ARHGAP21: variants seen among roughly 807,000 people sequenced by gnomAD.
ARHGAP21 encodes the protein Rho GTPase activating protein 21.
In ARHGAP21, 38 loss-of-function variants were observed where a neutral mutation model predicts 164.6. The ratio of observed to expected loss-of-function variants is 0.23; its 90% CI spans 0.18 to 0.30. The LOEUF is 0.30. Among genes scored for constraint, ARHGAP21 ranks in the 10% least tolerant of loss-of-function variants. The probability of loss-of-function intolerance (pLI) is 1.00; values close to 1 mark genes in which losing one functional copy is unlikely to be tolerated. For missense variants in ARHGAP21, 1,822 were observed against 2,370.7 expected (o/e 0.77, Z 4.81); for synonymous variants, 766 against 857.9 (o/e 0.89, Z 1.87).
chr10:24,592,156 ATTTTTTTTTTTTTT>A (rs57846258), intron 21 of ARHGAP21, 144 bp from the exon 22 acceptor site: 2 of 212,782 alleles, frequency 9.4e-6, no homozygotes, highest in Non-Finnish European at 7.2e-6. Context: ...TTCTAGCAAG[ATTTTTTTTTTTTTT>A]TTTTTTTTTT....
At chr10:24,708,293 T>A (rs1056463002) in intron 2 of ARHGAP21, among the ~76,000 whole-genome samples, 1 of 152,092 alleles carries the variant, frequency 6.6e-6, no homozygotes, top group African/African-American at 2.4e-5. Flanking sequence ...CTCAATGACC[T>A]CATCAACTCC....
Position 24,622,844 on chromosome 10 carries a change from G to A in ARHGAP21, c.496-82C>T, listed in dbSNP as rs572865584. 7.3e-4 allele frequency: 1,032 copies of A among 1,414,142 alleles called. 1 individual carries two copies. The highest frequency in any genetic ancestry group is 9.1e-4 in the Non-Finnish European group (934 of 1,021,686). The allele number at this position is 1,414,142 out of a possible 1,614,324, so 87.6% of individuals were successfully genotyped here. A position where few individuals can be genotyped will look rare whatever the true frequency, so the allele number is the denominator to read the frequency against. ...ATGTTGTCATATTGATGCTGGAAAC[G>A]GCAAGCTAAAAATACATCTATACTT... is the stretch of plus-strand genomic sequence containing the variant. On this transcript the variant is annotated intron_variant, in intron 7 of 25. Transcript: ENST00000396432.
intron 24 of ARHGAP21, chr10:24,590,377 T>C: frequency 6.5e-7 from 1 of 1,535,368 alleles, no homozygotes. Flanking sequence ...GCAGCTACAG[T>C]GTGGACAACA....
rs756878572 is a variant in ARHGAP21, at chr10:24,607,490, G to A, written c.2684+9C>T. ...TACAAATATTTAAAATAATACACCCGAGACTTACAATTTTGCATCTTCTCT... is the reference window on the plus strand; with the variant it reads ...TACAAATATTTAAAATAATACACCCAAGACTTACAATTTTGCATCTTCTCT... On this transcript the variant is annotated intron_variant, in intron 11 of 25. Transcript: ENST00000396432. 1.8e-4 allele frequency: 284 copies of A among 1,608,432 alleles called. 2 individuals carry two copies. In the Admixed American group the frequency reaches 4.1e-3, roughly 23 times the overall value.
intron 2 of ARHGAP21, among the ~76,000 whole-genome samples, chr10:24,719,098 TACAC>T (rs57863565): frequency 2.1e-3 from 306 of 147,478 alleles, no homozygotes; most frequent in East Asian, 2.4e-3. Flanking sequence ...CTTCACGGAC[TACAC>T]ACACACACAC....
At chr10:24,689,784 ATATATATG>A (rs145402481) in intron 2 of ARHGAP21, among the ~76,000 whole-genome samples, 254 of 150,824 alleles carry the variant, frequency 1.7e-3, no homozygotes, top group Non-Finnish European at 3.3e-3. Context: ...ATGTGTGTGT[ATATATATG>A]TATATATGTA....
chr10:24,643,677 TCTAA>T (rs1463451844), intron 4 of ARHGAP21, among the ~76,000 whole-genome samples: 14 of 152,282 alleles, frequency 9.2e-5, no homozygotes, highest in Non-Finnish European at 1.8e-4. Flanking sequence ...TGTGCCAATC[TCTAA>T]CTACGGAGAA....
At chr10:24,673,093 C>T (rs1840870620) in intron 2 of ARHGAP21, among the ~76,000 whole-genome samples, 1 of 152,118 alleles carries the variant, frequency 6.6e-6, no homozygotes, top group Admixed American at 6.6e-5. Flanking sequence ...TTAGAAGACG[C>T]AGTACTGTTA....
chr10:24,702,401 G>T (rs375906291), intron 2 of ARHGAP21, among the ~76,000 whole-genome samples: 1 of 151,936 alleles, frequency 6.6e-6, no homozygotes, highest in East Asian at 1.9e-4. Flanking sequence ...AAAGTGCTAG[G>T]ATTACAGGCG....
At chr10:24,646,183 G>A (rs560014008) in intron 4 of ARHGAP21, among the ~76,000 whole-genome samples, 1 of 152,198 alleles carries the variant, frequency 6.6e-6, no homozygotes, top group African/African-American at 2.4e-5. Flanking sequence ...AACAGGGACT[G>A]TAACTATTAT....
intron 9 of ARHGAP21, among the ~76,000 whole-genome samples, chr10:24,611,911 T>G (rs1429790702): frequency 1.3e-5 from 2 of 152,050 alleles, no homozygotes; most frequent in Admixed American, 1.3e-4. Context: ...AACATAAATG[T>G]GGAGGGCAAT....
rs763063260 is a variant in ARHGAP21 at position 24,620,799 on chromosome 10, C to T, written c.1096G>A (p.Val366Met). The T allele has an allele frequency of 2.5e-6, 4 of 1,614,058 alleles. No individual in the cohort carries two copies. Among genetic ancestry groups the T allele is most frequent in the East Asian group, 2.2e-5 (1 of 44,890 alleles). ...DGISSSRSQA[V>M]EAPSVSVNHY... ...TTAACAGATACAGAGGGAGCCTCCA[C>T]AGCTTGAGATCTGCTGCTTGAGATT... is the stretch of plus-strand genomic sequence containing the variant. Residue 366 changes from valine (V) to methionine (M), a missense_variant, in exon 9 of 26, where the codon GTG becomes ATG. Around this residue, in one of 5 missense-constraint regions of ARHGAP21, gnomAD observed 1,090 missense variants for 1,378.9 expected, o/e 0.79. Transcript: ENST00000396432.
chr10:24,670,223 A>G lies in ARHGAP21; in HGVS notation c.238T>C (p.Tyr80His), dbSNP rs1166727543. The G allele has an allele frequency of 1.9e-6, 3 of 1,585,840 alleles. No individual in the cohort carries two copies. Among genetic ancestry groups the G allele is most frequent in the Non-Finnish European group, 2.6e-6 (3 of 1,165,446 alleles). The part of the protein sequence containing the change: ...YPPESAIQFS[Y>H]KDEENGNRGG... ...GCGGTAACTATTTCTCTTACCTTAT[A>G]TGAAAATTGAATTGCAGACTCTGGG... is the stretch of plus-strand genomic sequence containing the variant. Residue 80 changes from tyrosine to histidine, a missense_variant, in exon 3 of 26, where the codon TAT (tyrosine) becomes CAT (histidine). Physicochemically the swap from Tyr to His is moderately conservative, Grantham distance 83. Transcript: ENST00000396432.
At chr10:24,658,482 T>C (rs1839316022) in intron 4 of ARHGAP21, among the ~76,000 whole-genome samples, 1 of 152,196 alleles carries the variant, frequency 6.6e-6, no homozygotes, top group African/African-American at 2.4e-5. Context: ...ATGTACACCA[T>C]GGAATACTAT....
At chr10:24,654,298 A>C (rs1399590862) in intron 4 of ARHGAP21, among the ~76,000 whole-genome samples, 1 of 152,210 alleles carries the variant, frequency 6.6e-6, no homozygotes, top group Admixed American at 6.5e-5. Context: ...AAGAGAGAGA[A>C]ATAAAGCATA....
At chr10:24,678,656 T>C (rs1168891346) in intron 2 of ARHGAP21, among the ~76,000 whole-genome samples, 1 of 152,124 alleles carries the variant, frequency 6.6e-6, no homozygotes. Flanking sequence ...TGCACCGCCA[T>C]CATGCCTGGC....
At chr10:24,612,335 G>C (rs1387416823) in intron 9 of ARHGAP21, among the ~76,000 whole-genome samples, 1 of 152,090 alleles carries the variant, frequency 6.6e-6, no homozygotes, top group Non-Finnish European at 1.5e-5. Context: ...GGGTAAATTT[G>C]TATAAGTTGA....
intron 2 of ARHGAP21, among the ~76,000 whole-genome samples, chr10:24,677,219 C>T (rs888646902): frequency 6.6e-6 from 1 of 152,182 alleles, no homozygotes; most frequent in African/African-American, 2.4e-5. Context: ...GACTCCGACT[C>T]TAAATAAATA....
chr10:24,631,650 C>A (rs575130821), intron 6 of ARHGAP21, among the ~76,000 whole-genome samples: 107 of 152,274 alleles, frequency 7.0e-4, no homozygotes, highest in African/African-American at 2.5e-3. Flanking sequence ...TAGGTACTTT[C>A]ATTTCAATAT....
Sources: allele counts gnomAD v4.1 joint callset (sites outside exome capture counted in the v4.1 genomes callset), GRCh38; gene constraint gnomAD v4.1.1; regional missense constraint gnomAD v4.1.1; transcripts MANE v1.5; gene names NCBI Gene and HGNC (gene_info 2026-07-23, HGNC 2026-07-21).